Variants in MARCHF3 observed in about 807,000 individuals in gnomAD.
MARCHF3 encodes E3 ubiquitin-protein ligase MARCHF3.
In MARCHF3, 13 loss-of-function variants were observed where a neutral mutation model predicts 24.2. The observed-to-expected ratio is 0.54, with a 90% CI of 0.35 to 0.85. The LOEUF is 0.85. MARCHF3 is among the 40% of genes least tolerant of loss of function. The pLI is 0.01. For missense variants in MARCHF3, 276 were observed against 325.0 expected, an observed-to-expected ratio of 0.85 and a Z score of 1.16; for synonymous variants, 144 against 137.3, an observed-to-expected ratio of 1.05 and a Z score of -0.34.
chr5:126,996,341 T>C (rs1218195293), intron 1 of MARCHF3, among the ~76,000 whole-genome samples: 1 of 152,084 alleles, frequency 6.6e-6, no homozygotes, highest in African/African-American at 2.4e-5. Context: ...GCAGCTTTGA[T>C]AGGAAAAATG....
At chr5:126,976,961 A>G (rs1751221229) in intron 1 of MARCHF3, among the ~76,000 whole-genome samples, 1 of 152,226 alleles carries the variant, frequency 6.6e-6, no homozygotes, top group African/African-American at 2.4e-5. Context: ...TTGAAGAGAA[A>G]GGAAGGTCTA....
intron 1 of MARCHF3, among the ~76,000 whole-genome samples, chr5:126,951,940 G>A (rs1333892905): frequency 6.6e-6 from 1 of 151,982 alleles, no homozygotes; most frequent in Non-Finnish European, 1.5e-5. Context: ...TCTGCCTCCC[G>A]GGTTCAAGCG....
chr5:127,007,430 CAT>C (rs1286143110), intron 1 of MARCHF3, among the ~76,000 whole-genome samples: 1 of 150,834 alleles, frequency 6.6e-6, no homozygotes, highest in Non-Finnish European at 1.5e-5. Flanking sequence ...TAAATTTAAA[CAT>C]TGATGAAAAA....
intron 1 of MARCHF3, among the ~76,000 whole-genome samples, chr5:126,983,463 A>G (rs1468693789): frequency 6.6e-6 from 1 of 152,176 alleles, no homozygotes; most frequent in Non-Finnish European, 1.5e-5. Flanking sequence ...GCAGCTCAGA[A>G]CTTTGACTTA....
At chr5:126,959,100 T>C (rs1750549100) in intron 1 of MARCHF3, among the ~76,000 whole-genome samples, 1 of 152,048 alleles carries the variant, frequency 6.6e-6, no homozygotes, top group Non-Finnish European at 1.5e-5. Flanking sequence ...ATTCCTTGAG[T>C]ATAGGCCATC....
At chr5:127,001,236 TAA>T (rs79852023) in intron 1 of MARCHF3, among the ~76,000 whole-genome samples, 13 of 139,996 alleles carry the variant, frequency 9.3e-5, no homozygotes, top group Non-Finnish European at 7.8e-5. Flanking sequence ...AGACTTCGTC[TAA>T]AAAAAAAAAA....
intron 1 of MARCHF3, among the ~76,000 whole-genome samples, chr5:126,920,074 A>G (rs912817720): frequency 6.6e-6 from 1 of 152,240 alleles, no homozygotes; most frequent in African/African-American, 2.4e-5. Context: ...AGTATACGGT[A>G]TGTTATAAAA....
chr5:127,023,777 T>A lies in MARCHF3; in HGVS notation c.-57+6573A>T, dbSNP rs201471336. On this transcript the variant is annotated intron_variant, in intron 1 of 4. Coordinates refer to ENST00000308660, the MANE Select transcript of MARCHF3 (RefSeq NM_178450.5). ...ATAAATAAATAAATAAATAAATAAA[T>A]AAAAATAAAAAATAAAAAAAGGTTC... Among the ~76,000 whole-genome samples, 881 of 140,600 alleles carry A rather than the reference T, an allele frequency of 6.3e-3. 13 individuals carry two copies. The highest frequency in any genetic ancestry group is 0.022 in the African/African-American group (812 of 37,500). 92.2% of individuals were successfully genotyped at this position (140,600 alleles called of 152,430 possible). A position where few individuals can be genotyped will look rare whatever the true frequency, so the allele number is the denominator to read the frequency against.
chr5:126,972,261 A>C (rs1194861977), intron 1 of MARCHF3, among the ~76,000 whole-genome samples: 3 of 152,070 alleles, frequency 2.0e-5, no homozygotes, highest in African/African-American at 7.2e-5. Flanking sequence ...AAAAAAAAAA[A>C]AAAAATTCCC....
chr5:126,951,086 T>C (rs1426385007), intron 1 of MARCHF3, among the ~76,000 whole-genome samples: 1 of 152,240 alleles, frequency 6.6e-6, no homozygotes, highest in East Asian at 1.9e-4. Context: ...TTAAGTTCGC[T>C]AGTTATTCCA....
intron 1 of MARCHF3, among the ~76,000 whole-genome samples, chr5:126,927,822 C>A (rs1394799348): frequency 2.0e-5 from 3 of 151,948 alleles, no homozygotes; most frequent in Non-Finnish European, 4.4e-5. Flanking sequence ...TAGGCCCAGC[C>A]CTGCCAAAAA....
chr5:126,918,342 C>T, intron 1 of MARCHF3, 115 bp from the exon 2 acceptor site: 1 of 652,678 alleles, frequency 1.5e-6, no homozygotes, highest in Non-Finnish European at 2.6e-6. Flanking sequence ...CAGGGGTAGC[C>T]TAGATGTGGC....
chr5:126,937,456 T>A (rs990877586), intron 1 of MARCHF3, among the ~76,000 whole-genome samples: 1 of 152,212 alleles, frequency 6.6e-6, no homozygotes, highest in African/African-American at 2.4e-5. Context: ...TCTGCCAAAT[T>A]TTATAAAGCA....
At chr5:126,878,454 G>A (rs1057104253) in intron 3 of MARCHF3, 60 bp from the exon 4 acceptor site, 7 of 1,494,424 alleles carry the variant, frequency 4.7e-6, no homozygotes, top group African/African-American at 1.4e-5. Context: ...AGTGTGGAGT[G>A]GAGACACGCT....
intron 1 of MARCHF3, among the ~76,000 whole-genome samples, chr5:126,995,423 G>C (rs1413271075): frequency 6.6e-6 from 1 of 152,156 alleles, no homozygotes; most frequent in East Asian, 1.9e-4. Flanking sequence ...CTGCCTGGGT[G>C]CCACTGCTTT....
intron 1 of MARCHF3, among the ~76,000 whole-genome samples, chr5:126,961,400 C>T (rs1750632315): frequency 6.6e-6 from 1 of 152,080 alleles, no homozygotes; most frequent in Non-Finnish European, 1.5e-5. Context: ...CAGAGATGTC[C>T]AAACTCAGAC....
At chr5:126,978,052 C>A (rs1187992285) in intron 1 of MARCHF3, among the ~76,000 whole-genome samples, 2 of 152,228 alleles carry the variant, frequency 1.3e-5, no homozygotes, top group Admixed American at 1.3e-4. Flanking sequence ...CAGGTAGAGC[C>A]GAGGAAAGAT....
At chr5:126,897,030 T>A (rs1753940812) in intron 3 of MARCHF3, among the ~76,000 whole-genome samples, 1 of 150,160 alleles carries the variant, frequency 6.7e-6, no homozygotes, top group South Asian at 2.1e-4. Flanking sequence ...CAATCCAACT[T>A]TCTGAAGTTT....
chr5:126,925,246 C>T (rs1749252991), intron 1 of MARCHF3, among the ~76,000 whole-genome samples: 1 of 152,044 alleles, frequency 6.6e-6, no homozygotes. Context: ...AAAACCTGAC[C>T]AGCATAAAGC....
Sources: allele counts gnomAD v4.1 joint callset (sites outside exome capture counted in the v4.1 genomes callset), GRCh38; gene constraint gnomAD v4.1.1; transcripts MANE v1.5; gene names NCBI Gene and HGNC (gene_info 2026-07-23, HGNC 2026-07-21).